NTF3: variants seen among roughly 807,000 people sequenced by gnomAD.
The protein encoded by NTF3 is neurotrophin-3.
NTF3 carries 8 observed loss-of-function variants against 26.3 expected under a neutral mutation model. That is an observed-to-expected ratio of 0.30 (90% CI 0.18 to 0.55). NTF3 has a LOEUF of 0.55. Ranked by LOEUF, NTF3 falls within the 20% of genes least tolerant of loss-of-function variation. The probability of loss-of-function intolerance (pLI) is 0.93; values close to 1 mark genes in which losing one functional copy is unlikely to be tolerated. For missense variants in NTF3, 276 were observed against 352.9 expected (o/e 0.78, Z 1.75); for synonymous variants, 154 against 145.5 (o/e 1.06, Z -0.42).
intron 1 of NTF3, among the ~76,000 whole-genome samples, chr12:5,440,373 C>T (rs1940221881): frequency 6.6e-6 from 1 of 152,144 alleles, no homozygotes; most frequent in South Asian, 2.1e-4. Context: ...TTGCAATTTA[C>T]TTCCCCCTTC....
intron 1 of NTF3, among the ~76,000 whole-genome samples, chr12:5,447,247 G>A (rs1249819563): frequency 6.6e-6 from 1 of 152,218 alleles, no homozygotes; most frequent in Non-Finnish European, 1.5e-5. Flanking sequence ...AAGCATTTAT[G>A]TATGGACACT....
chr12:5,432,403 A>C, intron 1 of NTF3, 61 bp downstream of exon 1: 2 of 1,586,046 alleles, frequency 1.3e-6, no homozygotes, highest in Non-Finnish European at 1.7e-6. Context: ...CCACGTGGGG[A>C]GGGATTTTCC....
chr12:5,465,540 A>G (rs1940578580), intron 1 of NTF3, among the ~76,000 whole-genome samples: 3 of 152,258 alleles, frequency 2.0e-5, no homozygotes, highest in African/African-American at 7.2e-5. Context: ...GATGCCTCCC[A>G]TCTGCCAAGC....
chr12:5,466,259 A>T (rs1940587560), intron 1 of NTF3, among the ~76,000 whole-genome samples: 1 of 152,148 alleles, frequency 6.6e-6, no homozygotes, highest in Non-Finnish European at 1.5e-5. Flanking sequence ...TAAACGGCTA[A>T]CCCAAGTCTG....
At chr12:5,492,227 A>G (rs1390690400) in intron 1 of NTF3, among the ~76,000 whole-genome samples, 2 of 152,174 alleles carry the variant, frequency 1.3e-5, no homozygotes, top group South Asian at 2.1e-4. Flanking sequence ...TACCTCACTA[A>G]TCTGTACCTT....
At chr12:5,488,019 T>G (rs1940888077) in intron 1 of NTF3, among the ~76,000 whole-genome samples, 1 of 152,206 alleles carries the variant, frequency 6.6e-6, no homozygotes, top group African/African-American at 2.4e-5. Flanking sequence ...AGTTTCATGG[T>G]TGCCACTACC....
chr12:5,434,759 G>A (rs368387662), intron 1 of NTF3, among the ~76,000 whole-genome samples: 5 of 152,010 alleles, frequency 3.3e-5, no homozygotes, highest in East Asian at 3.9e-4. Context: ...GTAGGAGGGC[G>A]GCTGTGTGTG....
chr12:5,481,721 CCACA>C (rs746563252), intron 1 of NTF3, among the ~76,000 whole-genome samples: 1,333 of 125,432 alleles, frequency 0.011, 8 homozygotes, highest in Non-Finnish European at 0.016. Flanking sequence ...CACGCACACA[CCACA>C]CACACACACA....
chr12:5,484,103 C>T (rs1432872952), intron 1 of NTF3, among the ~76,000 whole-genome samples: 1 of 152,134 alleles, frequency 6.6e-6, no homozygotes. Context: ...TCCATGTGTC[C>T]TTAAATACAC....
intron 1 of NTF3, among the ~76,000 whole-genome samples, chr12:5,465,862 G>C (rs902485030): frequency 1.3e-5 from 2 of 152,204 alleles, no homozygotes; most frequent in African/African-American, 4.8e-5. Context: ...TGCAGCATCC[G>C]TGCCTGTCTA....
chr12:5,484,742 C>A (rs1050943444), intron 1 of NTF3, among the ~76,000 whole-genome samples: 26 of 152,216 alleles, frequency 1.7e-4, no homozygotes, highest in Non-Finnish European at 2.9e-4. Flanking sequence ...TAGGTGGGGG[C>A]CTGCGTTGCA....
chr12:5,494,595 C>G lies in NTF3; in HGVS notation c.420C>G (p.Pro140=). Residue 140 remains proline (P), a synonymous_variant, in exon 2 of 2, where the codon CCC becomes CCG. Transcript: ENST00000423158. This position sits in a 1 kb window ranked among gnomAD's most constrained non-coding sequence, Gnocchi z 8.3. ...TCATGGAGGATTACGTGGGCAGCCCCGTGGTGGCGAACAGAACATCACGGC... is the reference window on the plus strand; with the variant it reads ...TCATGGAGGATTACGTGGGCAGCCCGGTGGTGGCGAACAGAACATCACGGC... ...LYLMEDYVGS[P]VVANRTSRRK... The G allele has an allele frequency of 6.2e-7, 1 of 1,614,066 alleles. No homozygotes were observed. Among genetic ancestry groups the G allele is most frequent in the Non-Finnish European group, 8.5e-7 (1 of 1,180,012 alleles).
chr12:5,470,242 A>G (rs1004835589), intron 1 of NTF3, among the ~76,000 whole-genome samples: 8 of 152,162 alleles, frequency 5.3e-5, no homozygotes, highest in African/African-American at 1.9e-4. Context: ...TCATTTTAAG[A>G]GAGACTTCTG....
intron 1 of NTF3, among the ~76,000 whole-genome samples, chr12:5,480,584 G>A (rs1398103648): frequency 6.6e-6 from 1 of 152,114 alleles, no homozygotes; most frequent in Non-Finnish European, 1.5e-5. Flanking sequence ...GAGCTGACCC[G>A]GGAGGGAGAC....
At chr12:5,492,951 C>T (rs1051029091) in intron 1 of NTF3, among the ~76,000 whole-genome samples, 1 of 152,168 alleles carries the variant, frequency 6.6e-6, no homozygotes, top group African/African-American at 2.4e-5. Flanking sequence ...AAAGGTGAAC[C>T]AGGGGAAGAG....
At chr12:5,435,186 A>G (rs932965211) in intron 1 of NTF3, among the ~76,000 whole-genome samples, 1 of 152,190 alleles carries the variant, frequency 6.6e-6, no homozygotes, top group African/African-American at 2.4e-5. Flanking sequence ...TCAGGGATGC[A>G]TGTTGTATAA....
At chr12:5,444,067 C>G (rs1940273360) in intron 1 of NTF3, among the ~76,000 whole-genome samples, 1 of 133,836 alleles carries the variant, frequency 7.5e-6, no homozygotes, top group Non-Finnish European at 1.8e-5. Context: ...ATACATCTTC[C>G]CGTTCCCTCT....
intron 1 of NTF3, among the ~76,000 whole-genome samples, chr12:5,451,083 A>G (rs1940366867): frequency 6.6e-6 from 1 of 151,974 alleles, no homozygotes; most frequent in African/African-American, 2.4e-5. Flanking sequence ...CTTCCCTTCA[A>G]TCCCTCTCCA....
At chr12:5,440,832 G>A (rs1338241146) in intron 1 of NTF3, among the ~76,000 whole-genome samples, 4 of 152,246 alleles carry the variant, frequency 2.6e-5, no homozygotes, top group Non-Finnish European at 5.9e-5. Context: ...GCCCCACACT[G>A]TGGCCCATGC....
Sources: allele counts gnomAD v4.1 joint callset (sites outside exome capture counted in the v4.1 genomes callset), GRCh38; gene constraint gnomAD v4.1.1; non-coding constraint Gnocchi (gnomAD v3.1); transcripts MANE v1.5; gene names NCBI Gene and HGNC (gene_info 2026-07-23, HGNC 2026-07-21).